The following MAP4K4 variants were observed in gnomAD, a reference collection of about 807,000 sequenced individuals.
The protein encoded by MAP4K4 is mitogen-activated protein kinase kinase kinase kinase 4, also known as HPK/GCK-like kinase HGK.
A neutral mutation model predicts 189.6 loss-of-function variants in MAP4K4; 38 were observed. The ratio of observed to expected loss-of-function variants is 0.20; its 90% CI spans 0.15 to 0.26. The LOEUF (loss-of-function observed/expected upper bound fraction) is 0.26, where lower values mean the gene tolerates loss of function less well. Ranked by LOEUF, MAP4K4 falls within the 10% of genes least tolerant of loss-of-function variation. The pLI is 1.00. For missense variants in MAP4K4, 1,054 were observed against 1,726.9 expected, an observed-to-expected ratio of 0.61 and a Z score of 6.91; for synonymous variants, 610 against 624.3, an observed-to-expected ratio of 0.98 and a Z score of 0.34.
At chr2:101,803,832 G>C (rs2094629044) in intron 3 of MAP4K4, among the ~76,000 whole-genome samples, 1 of 152,178 alleles carries the variant, frequency 6.6e-6, no homozygotes. Context: ...CCTGACAGAA[G>C]GAAAGACATT....
chr2:101,893,019 CT>C (rs1187232388), exon 33 of MAP4K4: 4 of 456,242 alleles, frequency 8.8e-6, no homozygotes, highest in Non-Finnish European at 1.8e-5. Flanking sequence ...GTTAATTTTC[CT>C]GTATATTGTG....
rs2036335320 is a variant in MAP4K4, at chr2:101,698,848, C to T, written c.123+310C>T. Reference sequence around the variant, plus strand: ...CAACCTGAATTTTTTCTTTTTTTCCCCAAATCCGGCCTTCTGAGTTTGTGT... The same window carrying T: ...CAACCTGAATTTTTTCTTTTTTTCCTCAAATCCGGCCTTCTGAGTTTGTGT... On this transcript the variant is annotated intron_variant, in intron 2 of 32. Transcript: ENST00000324219. Among the ~76,000 whole-genome samples the T allele has an allele frequency of 2.0e-5, 3 of 152,106 alleles. No homozygotes were observed. In the South Asian group the frequency reaches 6.2e-4, roughly 32 times the overall value.
chr2:101,732,682 T>G (rs931025023), intron 2 of MAP4K4, among the ~76,000 whole-genome samples: 3 of 152,190 alleles, frequency 2.0e-5, no homozygotes, highest in Non-Finnish European at 4.4e-5. Flanking sequence ...CTCCGCCTCC[T>G]GAATTCAAGC....
Position 101,788,010 on chromosome 2 carries a change from G to A in MAP4K4, c.124-2710G>A, listed in dbSNP as rs570068282. ...GTGGATTCGGGGTTTCACCATGTTGGTCAGGCTGGTCTTGAACTCCTGACC... is the reference window on the plus strand; with the variant it reads ...GTGGATTCGGGGTTTCACCATGTTGATCAGGCTGGTCTTGAACTCCTGACC... On this transcript the variant is annotated intron_variant, in intron 2 of 32. Coordinates refer to ENST00000324219, the Ensembl canonical transcript of MAP4K4. 3.1e-3 allele frequency among the ~76,000 whole-genome samples: 469 copies of A among 151,746 alleles called. 2 individuals carry two copies. The highest frequency in any genetic ancestry group is 0.011 in the African/African-American group (453 of 41,342).
Position 101,891,129 on chromosome 2 carries a change from C to T in MAP4K4, c.4072-37C>T, listed in dbSNP as rs953715513. On this transcript the variant is annotated intron_variant, in intron 32 of 32. Transcript: ENST00000324219. ...TCCCTGGCTGGAAGTGCTTCATGAC[C>T]ATGGTAACCATTCCCTCTCTTTTCT... 5.2e-6 allele frequency: 8 copies of T among 1,532,738 alleles called. No homozygotes were observed. The African/African-American group carries it at 1.1e-4, about 21-fold the overall frequency. 94.9% of individuals were successfully genotyped at this position (1,532,738 alleles called of 1,614,324 possible).
intron 21 of MAP4K4, among the ~76,000 whole-genome samples, chr2:101,868,960 C>A (rs1286309134): frequency 6.6e-6 from 1 of 151,822 alleles, no homozygotes; most frequent in Non-Finnish European, 1.5e-5. Flanking sequence ...AGGGGTCAGT[C>A]CAGAAAGCAA....
chr2:101,780,291 A>G (rs183318749), intron 2 of MAP4K4, among the ~76,000 whole-genome samples: 342 of 152,294 alleles, frequency 2.2e-3, no homozygotes, highest in Non-Finnish European at 3.1e-3. Context: ...TGATTTGTGT[A>G]TGAAACTTTC....
intron 2 of MAP4K4, among the ~76,000 whole-genome samples, chr2:101,752,451 A>T (rs1204758046): frequency 6.6e-6 from 1 of 152,192 alleles, no homozygotes; most frequent in Non-Finnish European, 1.5e-5. Flanking sequence ...AGAAAATGCC[A>T]CTGCTTATAT....
At chr2:101,714,227 A>G (rs1277179693) in intron 2 of MAP4K4, among the ~76,000 whole-genome samples, 2 of 152,164 alleles carry the variant, frequency 1.3e-5, no homozygotes, top group Non-Finnish European at 2.9e-5. Flanking sequence ...TTTTTCAACT[A>G]TTTATTAAAT....
chr2:101,843,643 A>C, intron 11 of MAP4K4, among the ~76,000 whole-genome samples: 1 of 152,150 alleles, frequency 6.6e-6, no homozygotes, highest in East Asian at 1.9e-4. Flanking sequence ...GCTTGGGCTC[A>C]GCTGCTGACC....
chr2:101,707,400 G>A (rs1032269382), intron 2 of MAP4K4, among the ~76,000 whole-genome samples: 2 of 151,856 alleles, frequency 1.3e-5, no homozygotes, highest in South Asian at 4.2e-4. Context: ...GTAGAAATGG[G>A]GTTTGACTAT....
At chr2:101,886,852 C>T (rs776922448) in intron 29 of MAP4K4, among the ~76,000 whole-genome samples, 12 of 151,868 alleles carry the variant, frequency 7.9e-5, no homozygotes, top group Non-Finnish European at 1.8e-4. Flanking sequence ...GGTGAAACCC[C>T]GTCTCTACTA....
chr2:101,882,562 A>C (rs777503720), exon 28 of MAP4K4: 1 of 1,585,176 alleles, frequency 6.3e-7, no homozygotes, highest in Admixed American at 2.0e-5. Flanking sequence ...CAAAAAGGAT[A>C]AGTTACGTGT....
At chr2:101,843,837 T>TTGTTACGCGA (rs1379188455) in intron 11 of MAP4K4, among the ~76,000 whole-genome samples, 15 of 152,194 alleles carry the variant, frequency 9.9e-5, no homozygotes, top group African/African-American at 3.1e-4. Flanking sequence ...TGAGTTTGAA[T>TTGTTACGCGA]TGTTACGCGA....
chr2:101,834,578 T>G, intron 8 of MAP4K4, 115 bp downstream of exon 8: 2 of 754,236 alleles, frequency 2.7e-6, no homozygotes, highest in Non-Finnish European at 4.4e-6. Flanking sequence ...GTGGACTGTT[T>G]AGATGAAGGC....
At chr2:101,873,518 G>A (rs1248028894) in intron 24 of MAP4K4, 129 bp from the exon 25 acceptor site, 1 of 576,778 alleles carries the variant, frequency 1.7e-6, no homozygotes, top group Non-Finnish European at 3.1e-6. Flanking sequence ...TTTTTTGGGG[G>A]AATGATGCAA....
rs532971275 is a variant in MAP4K4 at position 101,866,208 on chromosome 2, G to T, written c.2205-220G>T. ...ACCTGATGATTTTAGATCTACTAAT[G>T]GTAGGATATCATTTAGCATACAAAC... On this transcript the variant is annotated intron_variant, in intron 18 of 32. Coordinates refer to ENST00000324219, the Ensembl canonical transcript of MAP4K4. 2.0e-5 allele frequency among the ~76,000 whole-genome samples: 3 copies of T among 152,240 alleles called. No individual in the cohort carries two copies. The South Asian group carries it at 6.2e-4, about 32-fold the overall frequency.
intron 2 of MAP4K4, among the ~76,000 whole-genome samples, chr2:101,732,425 T>C (rs374002247): frequency 7.2e-5 from 11 of 152,124 alleles, no homozygotes; most frequent in East Asian, 3.9e-4. Context: ...AGTGGGATGC[T>C]ATAAAATTCG....
chr2:101,784,802 G>T (rs1394364577), intron 2 of MAP4K4, among the ~76,000 whole-genome samples: 1 of 152,106 alleles, frequency 6.6e-6, no homozygotes, highest in Non-Finnish European at 1.5e-5. Context: ...TGGTTAATAG[G>T]ACATTTGTGG....
Sources: gnomAD v4.1 joint callset for allele counts (sites outside exome capture counted in the v4.1 genomes callset) on GRCh38, gnomAD v4.1.1 for gene constraint, MANE v1.5 for transcripts, NCBI Gene and HGNC (gene_info 2026-07-23, HGNC 2026-07-21) for gene names.